The following COPS8 variants were observed in gnomAD, a reference collection of about 807,000 sequenced individuals.
COPS8 encodes COP9 signalosome subunit 8, also known as COP9 signalosome complex subunit 8.
Under a neutral mutation model 31.5 loss-of-function variants are expected in COPS8, and 11 were observed. The ratio of observed to expected loss-of-function variants is 0.35; its 90% confidence interval spans 0.22 to 0.58. The LOEUF (loss-of-function observed/expected upper bound fraction) is 0.58, where lower values mean the gene tolerates loss of function less well. COPS8 is among the 20% of genes least tolerant of loss of function. The pLI is 0.83. For synonymous variants in COPS8, 81 were observed against 89.3 expected, an observed-to-expected ratio of 0.91 and a Z score of 0.52; for missense variants, 215 against 255.1, an observed-to-expected ratio of 0.84 and a Z score of 1.07.
chr2:237,089,104 A>G (rs1027854974), intron 3 of COPS8, among the ~76,000 whole-genome samples: 1 of 152,166 alleles, frequency 6.6e-6, no homozygotes, highest in African/African-American at 2.4e-5. Flanking sequence ...TGGTTGGGAG[A>G]TTAGAAGAAA....
At chr2:237,088,446 T>C (rs1335033540) in intron 2 of COPS8, among the ~76,000 whole-genome samples, 159 bp from the exon 3 acceptor site, 2 of 152,238 alleles carry the variant, frequency 1.3e-5, no homozygotes, top group East Asian at 3.8e-4. Context: ...GGAAAACCAC[T>C]ATTGTTTCCC....
At position 237,098,923 on chromosome 2, in the gene COPS8, A is replaced by C. The variant is rs1475805745; in HGVS notation, c.*1181A>C. ...TGAATTGCAATTTTATTTAACCCGG[A>C]TAGGTAAGTCATATTAAAATTCCTT... On this transcript the variant is annotated 3_prime_UTR_variant, in exon 8 of 8. Coordinates refer to ENST00000354371, the MANE Select transcript of COPS8 (RefSeq NM_006710.5). 1 of 152,174 alleles carries C rather than the reference A, an allele frequency of 6.6e-6. No individual in the cohort carries two copies. The highest frequency in any genetic ancestry group is 2.4e-5 in the African/African-American group (1 of 41,436). The allele number at this position is 152,174 out of a possible 1,614,324, so 9.4% of individuals were successfully genotyped here. A position where few individuals can be genotyped will look rare whatever the true frequency, so the allele number is the denominator to read the frequency against.
chr2:237,086,067 G>C, intron 1 of COPS8, 25 bp downstream of exon 1: 1 of 1,600,664 alleles, frequency 6.2e-7, no homozygotes, highest in Admixed American at 1.7e-5. Context: ...CGCGCTGGGA[G>C]AAACTGCGGA....
At position 237,085,953 on chromosome 2, in the gene COPS8, C is replaced by A. The variant is rs752627341; in HGVS notation, c.-12C>A. 5 of 1,611,400 alleles carry A rather than the reference C, an allele frequency of 3.1e-6. No homozygotes were observed. Among genetic ancestry groups the A allele is most frequent in the Admixed American group, 1.7e-5 (1 of 59,790 alleles). ...CTGTCCGGACGGTGCAGCGGCGAGG[C>A]CGGCCGCGAAGATGCCAGTGGCGGT... On this transcript the variant is annotated 5_prime_UTR_variant, in exon 1 of 8. Transcript: ENST00000354371.
chr2:237,090,129 T>G (rs1004288780), intron 4 of COPS8, 135 bp downstream of exon 4: 3 of 815,560 alleles, frequency 3.7e-6, no homozygotes, highest in Non-Finnish European at 5.2e-6. Flanking sequence ...TTTCAGAATT[T>G]TTTAGATTTG....
At chr2:237,091,321 G>T (rs1242763658) in intron 4 of COPS8, among the ~76,000 whole-genome samples, 1 of 152,172 alleles carries the variant, frequency 6.6e-6, no homozygotes, top group Non-Finnish European at 1.5e-5. Flanking sequence ...ACTTACTAGG[G>T]TGACTCCTCA....
intron 4 of COPS8, among the ~76,000 whole-genome samples, chr2:237,091,948 G>T (rs953162136): frequency 3.9e-5 from 6 of 152,198 alleles, no homozygotes; most frequent in African/African-American, 1.2e-4. Flanking sequence ...GGTGCAACAG[G>T]CATTGGCGGC....
At position 237,097,910 on chromosome 2, in the gene COPS8, T is replaced by G; in HGVS notation, c.*168T>G. 2.0e-6 allele frequency: 1 copy of G among 510,230 alleles called. No homozygotes were observed. The highest frequency in any genetic ancestry group is 3.5e-6 in the Non-Finnish European group (1 of 287,650). 31.6% of individuals were successfully genotyped at this position (510,230 alleles called of 1,614,324 possible). On this transcript the variant is annotated 3_prime_UTR_variant, in exon 8 of 8. Coordinates refer to ENST00000354371, the MANE Select transcript of COPS8 (RefSeq NM_006710.5). ...AGATATACTATATACATTTTGTCCA[T>G]AAACGTTATGCTGAATAGTTGTTGA...
At position 237,094,139 on chromosome 2, in the gene COPS8, A is replaced by G. The variant is rs1424010228; in HGVS notation, c.381A>G (p.Ser127=). The part of the protein sequence containing the change: ...AFALVSQAYT[S]IIADDFAAFV... ...CCCTGGTCTCTCAAGCGTATACTTC[A>G]ATCATCGCCGATGATTTTGCAGCCT... is the stretch of plus-strand genomic sequence containing the variant. The change falls in exon 5 of 8, where the codon TCA becomes TCG. Residue 127 remains serine (S), a synonymous_variant. Transcript: ENST00000354371. The G allele has an allele frequency of 6.2e-7, 1 of 1,614,078 alleles. No homozygotes were observed. Among genetic ancestry groups the G allele is most frequent in the South Asian group, 1.1e-5 (1 of 91,074 alleles).
chr2:237,095,754 G>A (rs1265741522), intron 5 of COPS8, 68 bp from the exon 6 acceptor site: 4 of 1,038,194 alleles, frequency 3.9e-6, no homozygotes, highest in Non-Finnish European at 6.1e-6. Context: ...CTAATGTCAT[G>A]GACAAGTTGT....
chr2:237,095,353 C>T (rs1696780989), intron 5 of COPS8, among the ~76,000 whole-genome samples: 1 of 152,080 alleles, frequency 6.6e-6, no homozygotes, highest in African/African-American at 2.4e-5. Flanking sequence ...AAACGATGGC[C>T]CTATATCCCA....
In COPS8 at chr2:237,099,555, G is replaced by GTAAC. The variant is rs1559302065; in HGVS notation, c.*1814_*1817dup. The GTAAC allele has an allele frequency of 6.6e-6, 1 of 152,044 alleles. No homozygotes were observed. The highest frequency in any genetic ancestry group is 1.5e-5 in the Non-Finnish European group (1 of 67,994). The allele number at this position is 152,044 out of a possible 1,614,324, so 9.4% of individuals were successfully genotyped here. A position where few individuals can be genotyped will look rare whatever the true frequency, so the allele number is the denominator to read the frequency against. On this transcript the variant is annotated 3_prime_UTR_variant, in exon 8 of 8. Transcript: ENST00000354371. Reference sequence around the variant, plus strand: ...AAGTATAGATTAAATTAATAATCATGTAACATTAGACCCCAGTAATCTTAA... The same window carrying GTAAC: ...AAGTATAGATTAAATTAATAATCATGTAACTAACATTAGACCCCAGTAATCTTAA...
intron 1 of COPS8, among the ~76,000 whole-genome samples, 175 bp from the exon 2 acceptor site, chr2:237,086,952 A>G (rs1696628119): frequency 6.6e-6 from 1 of 152,234 alleles, no homozygotes; most frequent in Non-Finnish European, 1.5e-5. Flanking sequence ...ATACTTCTCT[A>G]AGCTGTTTCT....
chr2:237,095,387 A>G (rs1014999363), intron 5 of COPS8, among the ~76,000 whole-genome samples: 2 of 152,134 alleles, frequency 1.3e-5, no homozygotes, highest in Admixed American at 6.5e-5. Context: ...TGGTGATTAC[A>G]TAAAATCATC....
chr2:237,092,005 C>T (rs999903599), intron 4 of COPS8, among the ~76,000 whole-genome samples: 7 of 152,196 alleles, frequency 4.6e-5, no homozygotes, highest in South Asian at 2.1e-4. Flanking sequence ...GAAGAGGATT[C>T]GAAAGGATGG....
chr2:237,088,195 A>G (rs1333841328), intron 2 of COPS8, among the ~76,000 whole-genome samples: 1 of 152,166 alleles, frequency 6.6e-6, no homozygotes, highest in Non-Finnish European at 1.5e-5. Flanking sequence ...CACTGGTAGG[A>G]GGGGCTGTAA....
rs537561578 is a variant in COPS8 at position 237,095,133 on chromosome 2, T to C, written c.440-689T>C. ...ATAGGTTAATGAAAGTTCTAAGTTA[T>C]TACTTTTATTTACTCATACAAACAT... On this transcript the variant is annotated intron_variant, in intron 5 of 7. Coordinates refer to ENST00000354371, the MANE Select transcript of COPS8 (RefSeq NM_006710.5). 1.7e-3 allele frequency among the ~76,000 whole-genome samples: 256 copies of C among 152,314 alleles called. 1 individual carries two copies. The highest frequency in any genetic ancestry group is 3.2e-3 in the Non-Finnish European group (218 of 68,032).
At chr2:237,090,100 G>T in intron 4 of COPS8, 106 bp downstream of exon 4, 1 of 1,155,728 alleles carries the variant, frequency 8.7e-7, no homozygotes, top group Non-Finnish European at 1.2e-6. Context: ...AGATATTTTT[G>T]ATAGGTGAAA....
At chr2:237,091,268 A>C (rs545288951) in intron 4 of COPS8, among the ~76,000 whole-genome samples, 2 of 152,310 alleles carry the variant, frequency 1.3e-5, no homozygotes, top group Admixed American at 1.3e-4. Flanking sequence ...CGGGAGTTTA[A>C]GCTCTGGGTC....
Sources: gnomAD v4.1 joint callset for allele counts (sites outside exome capture counted in the v4.1 genomes callset) on GRCh38, gnomAD v4.1.1 for gene constraint, MANE v1.5 for transcripts, NCBI Gene and HGNC (gene_info 2026-07-23, HGNC 2026-07-21) for gene names.